Variants in SENP6 observed in about 807,000 individuals in gnomAD.
SENP6 encodes the protein SUMO specific peptidase 6.
In SENP6, 41 loss-of-function variants were observed where a neutral mutation model predicts 134.5. The ratio of observed to expected loss-of-function variants is 0.30; its 90% CI spans 0.24 to 0.40. SENP6 has a LOEUF of 0.40. Among genes scored for constraint, SENP6 ranks in the 10% least tolerant of loss-of-function variants. The pLI is 1.00. For missense variants in SENP6, 1,248 were observed against 1,312.5 expected (o/e 0.95, Z 0.76); for synonymous variants, 395 against 429.8 (o/e 0.92, Z 1.00).
chr6:75,636,094 T>C (rs1205433656), intron 5 of SENP6, among the ~76,000 whole-genome samples: 2 of 152,140 alleles, frequency 1.3e-5, no homozygotes, highest in African/African-American at 4.8e-5. Flanking sequence ...TGCGATTTGT[T>C]TTACTCTAGG....
intron 21 of SENP6, among the ~76,000 whole-genome samples, chr6:75,712,375 T>C (rs1473726434): frequency 6.6e-6 from 1 of 152,168 alleles, no homozygotes; most frequent in East Asian, 1.9e-4. Flanking sequence ...TATAAAATTT[T>C]AGCAGGAAGA....
At chr6:75,646,210 T>C (rs1286769278) in intron 6 of SENP6, among the ~76,000 whole-genome samples, 1 of 152,208 alleles carries the variant, frequency 6.6e-6, no homozygotes, top group Non-Finnish European at 1.5e-5. Flanking sequence ...AAACCTACCT[T>C]CTTTCTTATA....
intron 1 of SENP6, among the ~76,000 whole-genome samples, chr6:75,603,273 G>A (rs1046364187): frequency 2.0e-5 from 3 of 152,130 alleles, no homozygotes; most frequent in Non-Finnish European, 4.4e-5. Context: ...CCAGCCTCAA[G>A]AAAAGCTGTA....
Position 75,634,824 on chromosome 6 carries a change from A to AAAAG in SENP6, c.458+13_458+14insAAAG. 6.5e-7 allele frequency: 1 copy of AAAAG among 1,538,688 alleles called. No homozygotes were observed. Among genetic ancestry groups the AAAAG allele is most frequent in the Non-Finnish European group, 8.9e-7 (1 of 1,122,988 alleles). ...CAGCAGCCCAAAGGTAAGAATTCTA[A>AAAAG]TTGTCTTTGGTTAGTATATACATGG... On this transcript the variant is annotated intron_variant, in intron 5 of 23. Transcript: ENST00000447266.
rs202062729 is a variant in SENP6 at position 75,649,321 on chromosome 6, G to GA, written c.550+1529dup. On this transcript the variant is annotated intron_variant, in intron 7 of 23. Coordinates refer to ENST00000447266, the MANE Select transcript of SENP6 (RefSeq NM_015571.4). The stretch of plus-strand genomic sequence containing the variant: ...CAGAGTGAGACTTGGTCTCAAAAGT[G>GA]AAAAAAAAAGCATTTCAAAGATGTT... 8.4e-3 allele frequency among the ~76,000 whole-genome samples: 1,255 copies of GA among 148,970 alleles called. 16 individuals are homozygous for GA. The highest frequency in any genetic ancestry group is 0.03 in the African/African-American group (1,204 of 40,572).
chr6:75,706,786 T>C, intron 19 of SENP6, among the ~76,000 whole-genome samples: 1 of 152,254 alleles, frequency 6.6e-6, no homozygotes, highest in East Asian at 1.9e-4. Flanking sequence ...ACTACTTATG[T>C]CAGATAACAG....
At chr6:75,698,149 A>C (rs1235407513) in intron 18 of SENP6, among the ~76,000 whole-genome samples, 5 of 152,232 alleles carry the variant, frequency 3.3e-5, no homozygotes, top group Non-Finnish European at 7.3e-5. Context: ...TATCACTTGC[A>C]TCAAGGAATG....
chr6:75,618,665 G>A (rs988031713), intron 1 of SENP6, among the ~76,000 whole-genome samples: 11 of 152,112 alleles, frequency 7.2e-5, no homozygotes, highest in Non-Finnish European at 1.3e-4. Context: ...ATACTAACCC[G>A]TGTTACAACA....
At chr6:75,612,423 C>A (rs1028678933) in intron 1 of SENP6, among the ~76,000 whole-genome samples, 6 of 152,188 alleles carry the variant, frequency 3.9e-5, no homozygotes, top group African/African-American at 1.4e-4. Flanking sequence ...TCTCAAACTC[C>A]TGGGCTCAAG....
intron 1 of SENP6, 62 bp downstream of exon 1, chr6:75,602,638 G>C: frequency 6.7e-7 from 1 of 1,499,054 alleles, no homozygotes; most frequent in Non-Finnish European, 9.1e-7. Context: ...GTGGCCCCCA[G>C]AACCCCGGAT....
Position 75,716,942 on chromosome 6 carries a change from C to T in SENP6, c.*1348C>T, listed in dbSNP as rs1776048151. On this transcript the variant is annotated 3_prime_UTR_variant, in exon 24 of 24. Transcript: ENST00000447266. ...TTTAATAAAGTCCCATGGGTGGGTT[C>T]AGGGTGAATGGGAGTATTAACAACA... 6.6e-6 allele frequency: 1 copy of T among 151,774 alleles called. No individual in the cohort carries two copies. Among genetic ancestry groups the T allele is most frequent in the Non-Finnish European group, 1.5e-5 (1 of 67,830 alleles). The allele number at this position is 151,774 out of a possible 1,614,324, so 9.4% of individuals were successfully genotyped here.
At chr6:75,709,473 C>T (rs1775621708) in intron 19 of SENP6, 54 bp from the exon 20 acceptor site, 1 of 1,214,878 alleles carries the variant, frequency 8.2e-7, no homozygotes, top group Admixed American at 1.7e-5. Flanking sequence ...GCCTCATATA[C>T]TATGAGTGAT....
chr6:75,713,727 A>G lies in SENP6; in HGVS notation c.3031A>G (p.Lys1011Glu). The G allele has an allele frequency of 6.2e-7, 1 of 1,613,384 alleles. No homozygotes were observed. Among genetic ancestry groups the G allele is most frequent in the Non-Finnish European group, 8.5e-7 (1 of 1,179,542 alleles). Reference protein sequence around the residue: ...VKKGSKRSFSKDVMKGSNPKV... With the variant: ...VKKGSKRSFSEDVMKGSNPKV... The stretch of plus-strand genomic sequence containing the variant: ...AAAAGGAAGCAAAAGAAGTTTTTCC[A>G]AAGATGTTATGAAGGGCTCTAATCC... The change falls in exon 23 of 24, where the codon AAA (lysine) becomes GAA (glutamate). Residue 1011 changes from lysine (K) to glutamate (E), a missense_variant. This residue lies in a region of SENP6 where 386 missense variants were observed against 395.0 expected (regional missense o/e 0.98). Coordinates refer to ENST00000447266, the MANE Select transcript of SENP6 (RefSeq NM_015571.4).
intron 1 of SENP6, among the ~76,000 whole-genome samples, chr6:75,614,559 C>A (rs1767709393): frequency 6.6e-6 from 1 of 152,106 alleles, no homozygotes; most frequent in Non-Finnish European, 1.5e-5. Flanking sequence ...AGCCACTGCA[C>A]CCAGCCACTA....
intron 7 of SENP6, among the ~76,000 whole-genome samples, chr6:75,650,694 GTGT>G (rs766771167): frequency 7.2e-5 from 11 of 152,116 alleles, no homozygotes; most frequent in Non-Finnish European, 1.6e-4. Context: ...AGCTTCTTTT[GTGT>G]TAGGTAGGTA....
At position 75,716,676 on chromosome 6, in the gene SENP6, G is replaced by A. The variant is rs966497095; in HGVS notation, c.*1082G>A. 2.0e-5 allele frequency: 3 copies of A among 151,960 alleles called. No individual in the cohort carries two copies. Among genetic ancestry groups the A allele is most frequent in the South Asian group, 2.1e-4 (1 of 4,810 alleles). The allele number at this position is 151,960 out of a possible 1,614,324, so 9.4% of individuals were successfully genotyped here. Reference sequence around the variant, plus strand: ...ATGACAGATTTATAGCACATATAGGGATCTTGCATGTATCTGCAGAAACTT... The same window carrying A: ...ATGACAGATTTATAGCACATATAGGAATCTTGCATGTATCTGCAGAAACTT... On this transcript the variant is annotated 3_prime_UTR_variant, in exon 24 of 24. Transcript: ENST00000447266.
chr6:75,662,007 G>T (rs1047530084), intron 8 of SENP6, among the ~76,000 whole-genome samples: 2 of 152,136 alleles, frequency 1.3e-5, no homozygotes, highest in Non-Finnish European at 2.9e-5. Context: ...AGCCAAGATT[G>T]CGCCATTGCA....
At chr6:75,667,003 T>C in intron 10 of SENP6, 62 bp downstream of exon 10, 1 of 1,144,060 alleles carries the variant, frequency 8.7e-7, no homozygotes, top group Non-Finnish European at 1.2e-6. Flanking sequence ...GTGTAAATTT[T>C]TTTTAGAAGG....
intron 16 of SENP6, among the ~76,000 whole-genome samples, chr6:75,691,006 A>ATT (rs35909209): frequency 0.023 from 3,114 of 136,392 alleles, 124 homozygotes; most frequent in African/African-American, 0.078. Context: ...GCTCAGCCTA[A>ATT]TTTTTTTTTT....
Sources: allele counts gnomAD v4.1 joint callset (sites outside exome capture counted in the v4.1 genomes callset), GRCh38; gene constraint gnomAD v4.1.1; regional missense constraint gnomAD v4.1.1; transcripts MANE v1.5; gene names NCBI Gene and HGNC (gene_info 2026-07-23, HGNC 2026-07-21).